Variants in LPA observed in about 807,000 individuals in gnomAD.
The protein encoded by LPA is lipoprotein(a), also known as apolipoprotein(a).
LPA carries 199 observed loss-of-function variants against 197.9 expected under a neutral mutation model. The ratio of observed to expected loss-of-function variants is 1.01; its 90% CI spans 0.90 to 1.13. LPA has a LOEUF of 1.13. Among genes scored for constraint, LPA ranks in the 50% most tolerant of loss-of-function variants. The pLI is 0.00. For missense variants in LPA, 1,853 were observed against 1,785.8 expected, an observed-to-expected ratio of 1.04 and a Z score of -0.68; for synonymous variants, 715 against 639.5, an observed-to-expected ratio of 1.12 and a Z score of -1.78.
chr6:160,661,429 T>C (rs1652507), intron 1 of LPA, among the ~76,000 whole-genome samples: 25,915 of 152,106 alleles, frequency 0.17, 2,953 homozygotes, highest in East Asian at 0.46. Context: ...TGTGTTTGTA[T>C]GCCGATGACA....
At chr6:160,663,070 C>G (rs2115115887) in intron 1 of LPA, among the ~76,000 whole-genome samples, 1 of 152,348 alleles carries the variant, frequency 6.6e-6, no homozygotes. Flanking sequence ...TGAATCCTTG[C>G]TCGCCTCCTC....
At position 160,540,650 on chromosome 6, in the gene LPA, C is replaced by T. The variant is rs150015884; in HGVS notation, c.5594+457G>A. On this transcript the variant is annotated intron_variant, in intron 35 of 38. Coordinates refer to ENST00000316300, the MANE Select transcript of LPA (RefSeq NM_005577.4). ...ACATGCCTGCTCCCACTTTGCCCTC[C>T]ACCATGATTGTAATCTTCCTTAGGC... Among the ~76,000 whole-genome samples, 74 of 152,302 alleles carry T rather than the reference C, an allele frequency of 4.9e-4. 1 individual carries two copies. The highest frequency in any genetic ancestry group is 6.2e-4 in the Non-Finnish European group (42 of 68,032).
chr6:160,632,036 A>G (rs1779698577), intron 8 of LPA, among the ~76,000 whole-genome samples: 1 of 151,146 alleles, frequency 6.6e-6, no homozygotes, highest in African/African-American at 2.4e-5. Flanking sequence ...CTCATTCTGT[A>G]GGTTCTCTAG....
At chr6:160,578,033 T>C (rs1304916768) in intron 27 of LPA, among the ~76,000 whole-genome samples, 1 of 152,178 alleles carries the variant, frequency 6.6e-6, no homozygotes, top group African/African-American at 2.4e-5. Context: ...CATTCGTTGG[T>C]TACCTCCTGC....
At chr6:160,604,950 C>A in intron 18 of LPA, 96 bp downstream of exon 18, 1 of 1,561,540 alleles carries the variant, frequency 6.4e-7, no homozygotes, top group Non-Finnish European at 8.8e-7. Context: ...TCATCTGAGA[C>A]AACTTGAGTC....
At chr6:160,594,202 T>C (rs1779087238) in intron 21 of LPA, 85 bp from the exon 22 acceptor site, 1 of 1,541,826 alleles carries the variant, frequency 6.5e-7, no homozygotes, top group Non-Finnish European at 9.0e-7. Flanking sequence ...AACAGGATCA[T>C]TGTCTCTGAG....
intron 26 of LPA, among the ~76,000 whole-genome samples, chr6:160,582,902 C>T (rs1778827684): frequency 6.6e-6 from 1 of 152,084 alleles, no homozygotes; most frequent in Admixed American, 6.6e-5. Flanking sequence ...TATAAGCGTG[C>T]TATGGTTTGC....
In LPA at chr6:160,589,523, T is replaced by C. The variant is rs780243231; in HGVS notation, c.3947+30A>G. 8 of 1,611,772 alleles carry C rather than the reference T, an allele frequency of 5.0e-6. 1 individual carries two copies. The highest frequency in any genetic ancestry group is 4.4e-5 in the South Asian group (4 of 91,024). Reference sequence around the variant, plus strand: ...CAGGAGAAATTTAAGTGGGTGGCTGTTTCTCTTGGGAGAAAACTCAAAGAC... The same window carrying C: ...CAGGAGAAATTTAAGTGGGTGGCTGCTTCTCTTGGGAGAAAACTCAAAGAC... On this transcript the variant is annotated intron_variant, in intron 24 of 38. Coordinates refer to ENST00000316300, the MANE Select transcript of LPA (RefSeq NM_005577.4).
chr6:160,551,136 G>C (rs1273927434), intron 30 of LPA, among the ~76,000 whole-genome samples: 2 of 152,210 alleles, frequency 1.3e-5, no homozygotes, highest in East Asian at 3.8e-4. Flanking sequence ...AAAAGTGGTT[G>C]TATCATTTTG....
intron 32 of LPA, 129 bp from the exon 33 acceptor site, chr6:160,545,662 T>A: frequency 1.4e-6 from 1 of 695,984 alleles, no homozygotes; most frequent in Non-Finnish European, 2.6e-6. Flanking sequence ...CTTTCTATCA[T>A]TATTATATTT....
chr6:160,635,756 C>T (rs1201650775), intron 6 of LPA, among the ~76,000 whole-genome samples: 14 of 90,944 alleles, frequency 1.5e-4, no homozygotes, highest in Non-Finnish European at 2.2e-4. Flanking sequence ...GTGGGAGTTG[C>T]AACGAACATG....
In LPA at chr6:160,605,212, T is replaced by C. The variant is rs1779322398; in HGVS notation, c.2786-7A>G. On this transcript the variant is annotated splice_polypyrimidine_tract_variant and splice_region_variant and intron_variant, in intron 17 of 38. Coordinates refer to ENST00000316300, the MANE Select transcript of LPA (RefSeq NM_005577.4). ...GGCCTTTGCTCAGTTGGTGCTGAAA[T>C]GAAAAGAAAAGAAATCAAACTGAGT... The C allele has an allele frequency of 1.2e-6, 2 of 1,613,198 alleles. No individual in the cohort carries two copies. Among genetic ancestry groups the C allele is most frequent in the African/African-American group, 2.7e-5 (2 of 74,968 alleles).
At chr6:160,653,998 A>ATATATTATAT (rs1780064446) in intron 1 of LPA, among the ~76,000 whole-genome samples, 3 of 14,388 alleles carry the variant, frequency 2.1e-4, no homozygotes, top group African/African-American at 4.0e-4. Flanking sequence ...AATATATATT[A>ATATATTATAT]TATATAATAT....
intron 18 of LPA, among the ~76,000 whole-genome samples, chr6:160,604,566 G>A (rs1005216799): frequency 9.2e-5 from 14 of 152,032 alleles, no homozygotes; most frequent in African/African-American, 2.7e-4. Context: ...GGTCAGAACC[G>A]ACTGTGTTTC....
chr6:160,558,206 A>T (rs189205516), intron 28 of LPA, among the ~76,000 whole-genome samples: 95 of 152,268 alleles, frequency 6.2e-4, no homozygotes, highest in African/African-American at 1.8e-3. Context: ...GGTGTGAGCC[A>T]CTGCGCCTGG....
chr6:160,610,256 G>C (rs546324188), intron 16 of LPA, among the ~76,000 whole-genome samples: 5 of 152,282 alleles, frequency 3.3e-5, no homozygotes, highest in African/African-American at 1.2e-4. Context: ...CTTCTGAAGA[G>C]AGTTGAGATT....
At chr6:160,609,789 G>C (rs1779447426) in intron 16 of LPA, among the ~76,000 whole-genome samples, 1 of 151,688 alleles carries the variant, frequency 6.6e-6, no homozygotes, top group Admixed American at 6.6e-5. Flanking sequence ...GTGTGTGTTA[G>C]AACTTGTGAG....
intron 16 of LPA, 65 bp downstream of exon 16, chr6:160,611,497 A>C: frequency 1.3e-6 from 2 of 1,594,268 alleles, no homozygotes; most frequent in Admixed American, 1.7e-5. Flanking sequence ...AGCTTGAAGC[A>C]TGTCTCTTGT....
intron 37 of LPA, among the ~76,000 whole-genome samples, chr6:160,534,448 C>A (rs903342602): frequency 1.3e-5 from 2 of 152,232 alleles, no homozygotes; most frequent in African/African-American, 4.8e-5. Flanking sequence ...AGGATTGAAG[C>A]CCTCTCTGAT....
Sources: gnomAD v4.1 joint callset for allele counts (sites outside exome capture counted in the v4.1 genomes callset) on GRCh38, gnomAD v4.1.1 for gene constraint, MANE v1.5 for transcripts, NCBI Gene and HGNC (gene_info 2026-07-23, HGNC 2026-07-21) for gene names.